Variants in EDNRB observed in about 807,000 individuals in gnomAD.
EDNRB encodes the protein Hirschsprung disease 2.
A neutral mutation model predicts 46.4 loss-of-function variants in EDNRB; 18 were observed. The observed-to-expected ratio is 0.39, with a 90% confidence interval of 0.27 to 0.57. The LOEUF is 0.57. Among genes scored for constraint, EDNRB ranks in the 20% least tolerant of loss-of-function variants. The probability of loss-of-function intolerance (pLI) is 0.61; values close to 1 mark genes in which losing one functional copy is unlikely to be tolerated. For synonymous variants in EDNRB, 213 were observed against 204.9 expected, an observed-to-expected ratio of 1.04 and a Z score of -0.34; for missense variants, 434 against 537.5, an observed-to-expected ratio of 0.81 and a Z score of 1.90.
At chr13:77,900,046 T>A in intron 5 of EDNRB, 79 bp from the exon 6 acceptor site, 1 of 1,263,846 alleles carries the variant, frequency 7.9e-7, no homozygotes, top group Non-Finnish European at 1.1e-6. Context: ...TGTGCTTTTG[T>A]AAGGAAAAAA....
At chr13:77,957,824 C>T (rs1202512069) in intron 1 of EDNRB, among the ~76,000 whole-genome samples, 1 of 152,140 alleles carries the variant, frequency 6.6e-6, no homozygotes, top group East Asian at 1.9e-4. Flanking sequence ...ATTTTGAAAA[C>T]TTCAGACCAG....
chr13:77,900,087 C>G (rs1878864578), intron 5 of EDNRB, 120 bp from the exon 6 acceptor site: 1 of 800,254 alleles, frequency 1.2e-6, no homozygotes, highest in African/African-American at 1.7e-5. Context: ...CTAAATTTAT[C>G]ACTCGTCTTT....
At chr13:77,930,796 G>A (rs1317332339) in intron 1 of EDNRB, among the ~76,000 whole-genome samples, 8 of 152,190 alleles carry the variant, frequency 5.3e-5, no homozygotes, top group Admixed American at 5.2e-4. Context: ...CAGAAATAAT[G>A]AGTTTTGGCT....
intron 1 of EDNRB, among the ~76,000 whole-genome samples, chr13:77,957,113 C>G (rs1881263304): frequency 6.6e-6 from 1 of 152,116 alleles, no homozygotes; most frequent in African/African-American, 2.4e-5. Flanking sequence ...ATTGATAAAT[C>G]ATTGAACAAT....
chr13:77,929,034 A>G (rs1880315040), intron 1 of EDNRB, among the ~76,000 whole-genome samples: 1 of 152,190 alleles, frequency 6.6e-6, no homozygotes. Flanking sequence ...CATCAGCTAT[A>G]AATTTTAGGT....
chr13:77,922,123 A>AT (rs34053276), upstream of EDNRB, among the ~76,000 whole-genome samples: 6,249 of 146,150 alleles, frequency 0.043, 406 homozygotes, highest in African/African-American at 0.14. Flanking sequence ...TTATGAGAGG[A>AT]TTTTTTTTTT....
upstream of EDNRB, chr13:77,918,945 TA>T (rs1879968231): frequency 1.2e-5 from 14 of 1,145,630 alleles, no homozygotes; most frequent in Non-Finnish European, 1.5e-5. This position sits in a 1 kb window ranked among gnomAD's most constrained non-coding sequence, Gnocchi z 4.5. Context: ...CTCTTTCACG[TA>T]ACGGGAGGAA....
intron 1 of EDNRB, among the ~76,000 whole-genome samples, chr13:77,934,871 C>A (rs1192079342): frequency 1.3e-5 from 2 of 151,812 alleles, no homozygotes; most frequent in African/African-American, 4.8e-5. Context: ...GAACTGCCAT[C>A]AATAAATCAA....
intron 1 of EDNRB, among the ~76,000 whole-genome samples, chr13:77,966,253 CTT>C (rs1266879996): frequency 6.6e-6 from 1 of 152,096 alleles, no homozygotes; most frequent in African/African-American, 2.4e-5. Flanking sequence ...GGGTCATACA[CTT>C]TTCCACAGGA....
At chr13:77,968,814 A>G (rs2137693176) in intron 1 of EDNRB, among the ~76,000 whole-genome samples, 1 of 152,280 alleles carries the variant, frequency 6.6e-6, no homozygotes, top group African/African-American at 2.4e-5. Flanking sequence ...TCTGATACAC[A>G]GGCAAAATTG....
chr13:77,909,032 G>C (rs1186541020), intron 1 of EDNRB, among the ~76,000 whole-genome samples: 1 of 151,904 alleles, frequency 6.6e-6, no homozygotes, highest in Admixed American at 6.6e-5. Flanking sequence ...CAAAATGATA[G>C]CCTATGTTTG....
At chr13:77,902,205 A>C (rs1373817602) in intron 3 of EDNRB, among the ~76,000 whole-genome samples, 3 of 151,972 alleles carry the variant, frequency 2.0e-5, no homozygotes, top group African/African-American at 7.2e-5. Flanking sequence ...GGTGACTTCT[A>C]TCTGAATATT....
At chr13:77,916,015 G>A (rs1001377779) in intron 1 of EDNRB, among the ~76,000 whole-genome samples, 3 of 152,152 alleles carry the variant, frequency 2.0e-5, no homozygotes, top group Non-Finnish European at 4.4e-5. Context: ...AAATAAGATG[G>A]TTCTGGAAGA....
upstream of EDNRB, chr13:77,919,741 T>G (rs1043083307): frequency 6.8e-6 from 6 of 884,528 alleles, no homozygotes; most frequent in Non-Finnish European, 1.0e-5. Flanking sequence ...GCAGTCCTCG[T>G]CCGGGGACAG....
intron 1 of EDNRB, among the ~76,000 whole-genome samples, chr13:77,936,465 T>G (rs1049726951): frequency 6.6e-6 from 1 of 152,094 alleles, no homozygotes; most frequent in Admixed American, 6.5e-5. Flanking sequence ...AAGAAGGTAA[T>G]GTGGAGTGGG....
intron 1 of EDNRB, among the ~76,000 whole-genome samples, chr13:77,930,700 T>C (rs1880367403): frequency 6.6e-6 from 1 of 152,208 alleles, no homozygotes; most frequent in South Asian, 2.1e-4. Flanking sequence ...GAAAAGTACA[T>C]ACAACAAGCT....
At chr13:77,903,684 AATT>A (rs1391358277) in intron 1 of EDNRB, 77 bp from the exon 2 acceptor site, 1 of 1,209,462 alleles carries the variant, frequency 8.3e-7, no homozygotes, top group Non-Finnish European at 1.2e-6. Flanking sequence ...AGTGAAGAGT[AATT>A]AACATGCAGA....
Position 77,897,980 on chromosome 13 carries a change from C to T in EDNRB, c.*220G>A, listed in dbSNP as rs1221023315. 1.3e-5 allele frequency: 17 copies of T among 1,333,368 alleles called. No homozygotes were observed. Among genetic ancestry groups the T allele is most frequent in the African/African-American group, 7.4e-5 (5 of 67,126 alleles). The allele number at this position is 1,333,368 out of a possible 1,614,324, so 82.6% of individuals were successfully genotyped here. On this transcript the variant is annotated 3_prime_UTR_variant, in exon 7 of 7. Coordinates refer to ENST00000646607, the MANE Select transcript of EDNRB (RefSeq NM_001122659.3). ...AACTGTAAAAAATTAAGTGCTTTCACGACGAGGCTTTCTTAATTCCCACTG... is the reference window on the plus strand; with the variant it reads ...AACTGTAAAAAATTAAGTGCTTTCATGACGAGGCTTTCTTAATTCCCACTG...
chr13:77,902,896 A>C (rs932752012), intron 3 of EDNRB, among the ~76,000 whole-genome samples: 6 of 151,972 alleles, frequency 3.9e-5, no homozygotes, highest in African/African-American at 1.4e-4. Context: ...GAAAGCTATA[A>C]ATTCACATCA....
Sources: gnomAD v4.1 joint callset for allele counts (sites outside exome capture counted in the v4.1 genomes callset) on GRCh38, gnomAD v4.1.1 for gene constraint, Gnocchi (gnomAD v3.1) non-coding constraint, MANE v1.5 for transcripts, NCBI Gene and HGNC (gene_info 2026-07-23, HGNC 2026-07-21) for gene names.